Variants in AKT2 observed in about 807,000 individuals in gnomAD.
The protein encoded by AKT2 is RAC-beta serine/threonine-protein kinase.
A neutral mutation model predicts 58.6 loss-of-function variants in AKT2; 16 were observed. The ratio of observed to expected loss-of-function variants is 0.27; its 90% CI spans 0.18 to 0.41. AKT2 has a LOEUF of 0.41. Among genes scored for constraint, AKT2 ranks in the 10% least tolerant of loss-of-function variants. AKT2 has a pLI of 1.00. For missense variants in AKT2, 438 were observed against 661.0 expected (o/e 0.66, Z 3.70); for synonymous variants, 253 against 254.0 (o/e 1.00, Z 0.04).
intron 4 of AKT2, among the ~76,000 whole-genome samples, chr19:40,251,806 G>C (rs1473207052): frequency 6.6e-6 from 1 of 152,204 alleles, no homozygotes; most frequent in Non-Finnish European, 1.5e-5. Flanking sequence ...TTCTGTAGGA[G>C]AAAGTCCTTA....
At chr19:40,236,138 T>C in intron 10 of AKT2, 34 bp from the exon 11 acceptor site, 1 of 1,613,576 alleles carries the variant, frequency 6.2e-7, no homozygotes, top group Non-Finnish European at 8.5e-7. Context: ...GCTGGGCCCG[T>C]GGCCCTGAGG....
chr19:40,234,012 A>G lies in AKT2; in HGVS notation c.1367-61T>C, dbSNP rs1973857826. On this transcript the variant is annotated intron_variant, in intron 13 of 13. Transcript: ENST00000392038. The surrounding 1 kb of genome is among the most constrained non-coding windows in gnomAD (Gnocchi z 4.7). ...AGGAGAGGGCCTGGGACACCTGCCC[A>G]GACTCCCTGGGGAAACGGCCCCAGC... The G allele has an allele frequency of 6.5e-7, 1 of 1,549,538 alleles. No homozygotes were observed. Among genetic ancestry groups the G allele is most frequent in the Admixed American group, 1.7e-5 (1 of 57,936 alleles).
At chr19:40,260,579 G>C (rs1244704701) in intron 2 of AKT2, among the ~76,000 whole-genome samples, 1 of 108,620 alleles carries the variant, frequency 9.2e-6, no homozygotes, top group Non-Finnish European at 1.7e-5. Context: ...GCAGTGAGCC[G>C]AGATCACGCC....
At position 40,241,776 on chromosome 19, in the gene AKT2, TC is replaced by T. The variant is rs960210618; in HGVS notation, c.573+161del. On this transcript the variant is annotated intron_variant, in intron 6 of 13. Transcript: ENST00000392038. ...GGGACTCAGCAGCAAGGCCTGCTGCTCCTCTCTGGGCCTCAGGCTCCCCCTT... is the reference window on the plus strand; with the variant it reads ...GGGACTCAGCAGCAAGGCCTGCTGCTCTCTCTGGGCCTCAGGCTCCCCCTT... 2.3e-5 allele frequency: 25 copies of T among 1,090,350 alleles called. No individual in the cohort carries two copies. The African/African-American group carries it at 2.7e-4, about 12-fold the overall frequency. 67.5% of individuals were successfully genotyped at this position (1,090,350 alleles called of 1,614,324 possible). A position where few individuals can be genotyped will look rare whatever the true frequency, so the allele number is the denominator to read the frequency against.
In AKT2 at chr19:40,242,174, C is replaced by T. The variant is rs1974449907; in HGVS notation, c.442-105G>A. ...AAAACCAAAAGACACTGTTGCCAAACGGCTTAGGCTGGAGCAGGAAGGGAG... is the reference window on the plus strand; with the variant it reads ...AAAACCAAAAGACACTGTTGCCAAATGGCTTAGGCTGGAGCAGGAAGGGAG... On this transcript the variant is annotated intron_variant, in intron 5 of 13. Coordinates refer to ENST00000392038, the MANE Select transcript of AKT2 (RefSeq NM_001626.6). This position sits in a 1 kb window ranked among gnomAD's most constrained non-coding sequence, Gnocchi z 4.3. 3.3e-6 allele frequency: 5 copies of T among 1,523,742 alleles called. No individual in the cohort carries two copies. The highest frequency in any genetic ancestry group is 1.7e-5 in the Admixed American group (1 of 57,210). 94.4% of individuals were successfully genotyped at this position (1,523,742 alleles called of 1,614,324 possible).
intron 1 of AKT2, among the ~76,000 whole-genome samples, chr19:40,280,228 C>T (rs774747605): frequency 2.0e-5 from 3 of 152,172 alleles, no homozygotes; most frequent in Admixed American, 6.5e-5. Flanking sequence ...TGCTGCCCTG[C>T]GTTGCTATTC....
At chr19:40,256,624 G>A (rs1450808490) in intron 3 of AKT2, among the ~76,000 whole-genome samples, 3 of 152,302 alleles carry the variant, frequency 2.0e-5, no homozygotes, top group South Asian at 4.1e-4. Flanking sequence ...GGAGGCACCT[G>A]CCACCAGTTG....
intron 1 of AKT2, among the ~76,000 whole-genome samples, chr19:40,271,996 G>A (rs2077224151): frequency 6.6e-6 from 1 of 152,286 alleles, no homozygotes; most frequent in South Asian, 2.1e-4. Context: ...CTATATATTG[G>A]TTAATATCAT....
intron 1 of AKT2, 200 bp downstream of exon 1, chr19:40,284,981 G>T: frequency 2.7e-6 from 1 of 366,656 alleles, no homozygotes. Flanking sequence ...CAGTGGTATG[G>T]CCCGCCGCCA....
chr19:40,249,120 C>T lies in AKT2; in HGVS notation c.287+6038G>A, dbSNP rs72480746. 1.6e-4 allele frequency among the ~76,000 whole-genome samples: 25 copies of T among 152,188 alleles called. No individual in the cohort carries two copies. The East Asian group carries it at 3.7e-3, about 22-fold the overall frequency. ...CATGCCCAGACCGCTCCGGCCTCTA[C>T]GTGCCACCATGTTAGAGATCTGGGT... is the stretch of plus-strand genomic sequence containing the variant. On this transcript the variant is annotated intron_variant, in intron 4 of 13. Coordinates refer to ENST00000392038, the MANE Select transcript of AKT2 (RefSeq NM_001626.6).
chr19:40,263,856 C>G, intron 2 of AKT2, among the ~76,000 whole-genome samples: 1 of 152,218 alleles, frequency 6.6e-6, no homozygotes, highest in East Asian at 1.9e-4. Flanking sequence ...GCTGTCGCCT[C>G]TGGCATAACT....
intron 1 of AKT2, among the ~76,000 whole-genome samples, chr19:40,281,273 T>C (rs1240865986): frequency 6.6e-6 from 1 of 152,190 alleles, no homozygotes; most frequent in Admixed American, 6.5e-5. Flanking sequence ...GGAGGATCAC[T>C]TGAGCCCAGG....
Position 40,253,078 on chromosome 19 carries a change from T to C in AKT2, c.287+2080A>G, listed in dbSNP as rs975222810. Among the ~76,000 whole-genome samples, 41 of 152,202 alleles carry C rather than the reference T, an allele frequency of 2.7e-4. 1 individual carries two copies. The highest frequency in any genetic ancestry group is 9.9e-4 in the African/African-American group (41 of 41,452). On this transcript the variant is annotated intron_variant, in intron 4 of 13. Coordinates refer to ENST00000392038, the MANE Select transcript of AKT2 (RefSeq NM_001626.6). Reference sequence around the variant, plus strand: ...TGTCCAAGAAGGTAGCCACTAGCCATATGTGGCTCTTTAAATCAATTAAAA... The same window carrying C: ...TGTCCAAGAAGGTAGCCACTAGCCACATGTGGCTCTTTAAATCAATTAAAA...
chr19:40,230,493 C>T lies in AKT2; in HGVS notation c.*3379G>A. On this transcript the variant is annotated 3_prime_UTR_variant, in exon 14 of 14. Coordinates refer to ENST00000392038, the MANE Select transcript of AKT2 (RefSeq NM_001626.6). ...AGCTAAAAGGGAATCGCACTGCCGCCCCCGACTCCACACAACCATCAGTGC... is the reference window on the plus strand; with the variant it reads ...AGCTAAAAGGGAATCGCACTGCCGCTCCCGACTCCACACAACCATCAGTGC... 1 of 227,034 alleles carries T rather than the reference C, an allele frequency of 4.4e-6. No homozygotes were observed. The highest frequency in any genetic ancestry group is 8.8e-6 in the Non-Finnish European group (1 of 114,268). 14.1% of individuals were successfully genotyped at this position (227,034 alleles called of 1,614,324 possible).
chr19:40,274,920 A>G, intron 1 of AKT2: 1 of 371,140 alleles, frequency 2.7e-6, no homozygotes, highest in South Asian at 1.9e-5. Flanking sequence ...AGCAGGTGGA[A>G]CCCCTTGCAC....
At position 40,285,296 on chromosome 19, in the gene AKT2, A is replaced by T. The variant is rs948489785; in HGVS notation, c.-200T>A. 2.5e-6 allele frequency: 1 copy of T among 394,702 alleles called. No individual in the cohort carries two copies. Among genetic ancestry groups the T allele is most frequent in the Admixed American group, 4.4e-5 (1 of 22,546 alleles). The allele number at this position is 394,702 out of a possible 1,614,324, so 24.4% of individuals were successfully genotyped here. ...CAGCGGCAACGGCGCCGGCAGCGGCAGCGGCGGCGGCGACGCCTCCTCCGA... is the reference window on the plus strand; with the variant it reads ...CAGCGGCAACGGCGCCGGCAGCGGCTGCGGCGGCGGCGACGCCTCCTCCGA... On this transcript the variant is annotated 5_prime_UTR_variant, in exon 1 of 14. Coordinates refer to ENST00000392038, the MANE Select transcript of AKT2 (RefSeq NM_001626.6).
chr19:40,235,064 T>G lies in AKT2; in HGVS notation c.1347A>C (p.Thr449=), dbSNP rs576196319. 1 of 1,613,980 alleles carries G rather than the reference T, an allele frequency of 6.2e-7. No homozygotes were observed. The change falls in exon 13 of 14, where the codon ACA becomes ACC. Residue 449 remains threonine, a synonymous_variant. Coordinates refer to ENST00000392038, the MANE Select transcript of AKT2 (RefSeq NM_001626.6). This position sits in a 1 kb window ranked among gnomAD's most constrained non-coding sequence, Gnocchi z 6.3. Reference sequence around the variant, plus strand: ...ACTCACAGCGGTCAGGGGGTGTGATTGTGATGGACTGGGCGGTAAATTCAT... The same window carrying G: ...ACTCACAGCGGTCAGGGGGTGTGATGGTGATGGACTGGGCGGTAAATTCAT... ...FDDEFTAQSI[T]ITPPDRYDSL...
chr19:40,258,941 C>T (rs1381068347), intron 2 of AKT2, among the ~76,000 whole-genome samples: 1 of 151,954 alleles, frequency 6.6e-6, no homozygotes, highest in Non-Finnish European at 1.5e-5. Context: ...CAAAGGGCCC[C>T]AAAGAGCCAA....
intron 2 of AKT2, among the ~76,000 whole-genome samples, chr19:40,259,295 GC>G (rs10713309): frequency 0.11 from 17,421 of 152,158 alleles, 1,434 homozygotes; most frequent in African/African-American, 0.23. Flanking sequence ...TAGGCAATGT[GC>G]CCAGAGTAGC....
Sources: allele counts gnomAD v4.1 joint callset (sites outside exome capture counted in the v4.1 genomes callset), GRCh38; gene constraint gnomAD v4.1.1; non-coding constraint Gnocchi (gnomAD v3.1); transcripts MANE v1.5; gene names NCBI Gene and HGNC (gene_info 2026-07-23, HGNC 2026-07-21).